Variants in PRELID2 observed in about 807,000 individuals in gnomAD.
PRELID2 encodes the protein PRELI domain-containing protein 2.
A neutral mutation model predicts 28.4 loss-of-function variants in PRELID2; 25 were observed. The observed-to-expected ratio is 0.88, with a 90% confidence interval of 0.64 to 1.23. The LOEUF (loss-of-function observed/expected upper bound fraction) is 1.23. Ranked by LOEUF, PRELID2 falls within the 50% of genes most tolerant of loss-of-function variation. The probability of loss-of-function intolerance (pLI) is 0.00; values close to 1 mark genes in which losing one functional copy is unlikely to be tolerated. For missense variants in PRELID2, 201 were observed against 214.4 expected, an observed-to-expected ratio of 0.94 and a Z score of 0.39; for synonymous variants, 76 against 71.6, an observed-to-expected ratio of 1.06 and a Z score of -0.31.
the PRELID2 span, among the ~76,000 whole-genome samples, chr5:145,373,241 ATATATGATATATAT>A: frequency 2.2e-4 from 9 of 41,386 alleles, no homozygotes; most frequent in South Asian, 1.8e-3. Flanking sequence ...CATATATAAT[ATATATGATATATAT>A]TACAACATAT....
the PRELID2 span, among the ~76,000 whole-genome samples, chr5:145,232,851 G>A: frequency 6.6e-6 from 1 of 151,910 alleles, no homozygotes; most frequent in Non-Finnish European, 1.5e-5. Context: ...AAAACTAAAT[G>A]AGATAATATA....
At chr5:145,642,151 T>C (rs139540812) in intron 1 of PRELID2, among the ~76,000 whole-genome samples, 6,523 of 151,816 alleles carry the variant, frequency 0.043, 482 homozygotes, top group African/African-American at 0.15. Flanking sequence ...AGTGTTCCTA[T>C]TTCTCCACAT....
At chr5:145,514,177 C>T (rs1162196528) in intron 1 of PRELID2, among the ~76,000 whole-genome samples, 2 of 151,862 alleles carry the variant, frequency 1.3e-5, no homozygotes, top group South Asian at 2.1e-4. Flanking sequence ...GGTTAAATGC[C>T]GCAATTGAAA....
At chr5:145,581,235 C>T (rs1561510055) in intron 1 of PRELID2, among the ~76,000 whole-genome samples, 1 of 152,080 alleles carries the variant, frequency 6.6e-6, no homozygotes, top group Admixed American at 6.6e-5. Flanking sequence ...CTACTCCCCA[C>T]AAAGTGCTGT....
the PRELID2 span, among the ~76,000 whole-genome samples, chr5:145,373,898 C>A: frequency 8.5e-6 from 1 of 117,500 alleles, no homozygotes; most frequent in African/African-American, 3.5e-5. Context: ...TTATATATTA[C>A]AACATATATA....
intron 1 of PRELID2, among the ~76,000 whole-genome samples, chr5:145,551,392 C>T (rs1752832322): frequency 6.8e-6 from 1 of 146,016 alleles, no homozygotes; most frequent in Admixed American, 6.9e-5. Flanking sequence ...CAAAGCAAGA[C>T]TCAGTCTCTA....
At chr5:145,665,149 T>TA (rs903809937) in intron 1 of PRELID2, among the ~76,000 whole-genome samples, 11 of 151,966 alleles carry the variant, frequency 7.2e-5, no homozygotes, top group Admixed American at 4.6e-4. Context: ...TTCTACAAGT[T>TA]AAAAAAAGAA....
chr5:145,795,656 G>C (rs1468671033), intron 5 of PRELID2: 2 of 152,096 alleles, frequency 1.3e-5, no homozygotes, highest in Non-Finnish European at 2.9e-5. Flanking sequence ...GGAAATAAAT[G>C]AGTATAATTA....
chr5:145,254,735 C>T, the PRELID2 span, among the ~76,000 whole-genome samples: 1 of 151,960 alleles, frequency 6.6e-6, no homozygotes, highest in Non-Finnish European at 1.5e-5. Context: ...ATTTCAAAAA[C>T]CCGGCAGGCA....
intron 1 of PRELID2, among the ~76,000 whole-genome samples, chr5:145,481,254 T>TG (rs1752156604): frequency 6.6e-6 from 1 of 152,074 alleles, no homozygotes; most frequent in South Asian, 2.1e-4. Flanking sequence ...TTGGTTTATT[T>TG]GGTTTGTTTT....
the PRELID2 span, among the ~76,000 whole-genome samples, chr5:145,342,985 C>T: frequency 6.7e-6 from 1 of 149,376 alleles, no homozygotes; most frequent in Non-Finnish European, 1.5e-5. Flanking sequence ...TTTTAATATA[C>T]ATGCATCCAA....
the PRELID2 span, among the ~76,000 whole-genome samples, chr5:145,368,136 C>G: frequency 4.0e-4 from 61 of 151,938 alleles, no homozygotes; most frequent in Non-Finnish European, 7.8e-4. Flanking sequence ...CCAACTGGAA[C>G]ATGAGTTTCT....
chr5:145,788,698 T>A (rs2149805812), intron 5 of PRELID2, among the ~76,000 whole-genome samples: 1 of 152,168 alleles, frequency 6.6e-6, no homozygotes, highest in South Asian at 2.1e-4. Flanking sequence ...AAGGCACCCA[T>A]GTAGAAAAGA....
At position 145,758,165 on chromosome 5, in the gene PRELID2, G is replaced by T. The variant is rs1400646324; in HGVS notation, c.*2371C>A. ...ATTGGTTGCCAATAAAAAACTAGGA[G>T]ATTTTTTTTTTAATTCTGTCTTTTC... On this transcript the variant is annotated 3_prime_UTR_variant, in exon 7 of 7. Coordinates refer to ENST00000683046, the MANE Select transcript of PRELID2 (RefSeq NM_205846.3). Among the ~76,000 whole-genome samples the T allele has an allele frequency of 6.6e-6, 1 of 151,392 alleles. No homozygotes were observed. Among genetic ancestry groups the T allele is most frequent in the Non-Finnish European group, 1.5e-5 (1 of 67,652 alleles).
chr5:145,718,569 G>T (rs2400196), intron 1 of PRELID2, among the ~76,000 whole-genome samples: 27,954 of 151,624 alleles, frequency 0.18, 2,991 homozygotes, highest in African/African-American at 0.29. Context: ...AAAATTTACA[G>T]GGAAGAATAA....
chr5:145,308,756 A>C, the PRELID2 span, among the ~76,000 whole-genome samples: 3 of 152,238 alleles, frequency 2.0e-5, no homozygotes, highest in Non-Finnish European at 4.4e-5. Context: ...GAACAAAAGC[A>C]ATGAATGGCA....
chr5:145,736,949 T>C (rs1477876263), intron 1 of PRELID2, among the ~76,000 whole-genome samples: 1 of 152,070 alleles, frequency 6.6e-6, no homozygotes, highest in Non-Finnish European at 1.5e-5. Flanking sequence ...TAAAATCTAA[T>C]GTCAGAGCTC....
chr5:145,423,143 A>G, the PRELID2 span, among the ~76,000 whole-genome samples: 1 of 151,850 alleles, frequency 6.6e-6, no homozygotes, highest in Non-Finnish European at 1.5e-5. Context: ...GGGTAACCCA[A>G]CCTTTCTCTC....
Position 145,709,754 on chromosome 5 carries a change from A to G in PRELID2, n.70+55177T>C, listed in dbSNP as rs1184424279. On this transcript the variant is annotated intron_variant and non_coding_transcript_variant, in intron 1 of 2. Coordinates refer to the PRELID2 transcript ENST00000510259. ...CTTTCAAATACAATGCTCAAATAGTATGTAGACAGTAACCATTGCCAACCC... is the reference window on the plus strand; with the variant it reads ...CTTTCAAATACAATGCTCAAATAGTGTGTAGACAGTAACCATTGCCAACCC... 7.2e-5 allele frequency among the ~76,000 whole-genome samples: 11 copies of G among 152,184 alleles called. 1 individual carries two copies. Among genetic ancestry groups the G allele is most frequent in the Admixed American group, 7.2e-4 (11 of 15,284 alleles).
Sources: gnomAD v4.1 joint callset for allele counts (sites outside exome capture counted in the v4.1 genomes callset) on GRCh38, gnomAD v4.1.1 for gene constraint, MANE v1.5 for transcripts, NCBI Gene and HGNC (gene_info 2026-07-23, HGNC 2026-07-21) for gene names.